Variants in INSC observed in about 807,000 individuals in gnomAD.
The protein encoded by INSC is INSC spindle orientation adaptor protein.
INSC carries 67 observed loss-of-function variants against 58.6 expected under a neutral mutation model. That is an observed-to-expected ratio of 1.14 (90% CI 0.94 to 1.40). The LOEUF is 1.40. Among genes scored for constraint, INSC ranks in the 40% most tolerant of loss-of-function variants. The pLI, the probability that INSC is intolerant of heterozygous loss-of-function variation, is 0.00. For synonymous variants in INSC, 262 were observed against 276.1 expected (o/e 0.95, Z 0.51); for missense variants, 714 against 692.0 (o/e 1.03, Z -0.36).
chr11:15,114,872 G>T (rs1400526309), upstream of INSC: 6 of 904,688 alleles, frequency 6.6e-6, no homozygotes, highest in South Asian at 2.1e-4. Flanking sequence ...CGGGGCGGGG[G>T]GTGGGGCGGG....
intron 1 of INSC, among the ~76,000 whole-genome samples, chr11:15,120,933 TATTAA>T (rs572280748): frequency 1.6e-3 from 248 of 151,014 alleles, no homozygotes; most frequent in African/African-American, 6.0e-3. Flanking sequence ...CCATTTACTT[TATTAA>T]CTTTCATTCT....
intron 7 of INSC, among the ~76,000 whole-genome samples, chr11:15,210,609 A>G (rs1266691468): frequency 1.3e-5 from 2 of 151,716 alleles, no homozygotes; most frequent in East Asian, 1.9e-4. Context: ...AGCTGGTCCC[A>G]AAGAATCTGG....
At chr11:15,220,212 C>G (rs1007690654) in intron 7 of INSC, among the ~76,000 whole-genome samples, 8 of 152,202 alleles carry the variant, frequency 5.3e-5, no homozygotes, top group Non-Finnish European at 1.0e-4. Flanking sequence ...GACGCAGGGA[C>G]AGAAGCCTCA....
chr11:15,179,985 A>G (rs1792586), intron 5 of INSC, among the ~76,000 whole-genome samples: 97,918 of 152,124 alleles, frequency 0.64, 33,016 homozygotes, highest in East Asian at 0.94. Context: ...GGCTGGACGC[A>G]GTGGCTCACG....
At chr11:15,263,387 A>G in the INSC span, among the ~76,000 whole-genome samples, 1 of 152,138 alleles carries the variant, frequency 6.6e-6, no homozygotes, top group African/African-American at 2.4e-5. Flanking sequence ...ATGATTTCTC[A>G]GTAGGATAAA....
chr11:15,177,057 T>C, intron 3 of INSC, 54 bp from the exon 4 acceptor site: 6 of 1,378,400 alleles, frequency 4.4e-6, no homozygotes, highest in Non-Finnish European at 6.2e-6. Context: ...GCACAGCAGT[T>C]GGTCCTCAGT....
chr11:15,240,508 G>T lies in INSC; in HGVS notation c.1455G>T (p.Val485=). Residue 485 remains valine (V), a synonymous_variant, in exon 12 of 13, where the codon GTG becomes GTT. Transcript: ENST00000379556. ...CAGAGAGGAACAGCAGTGACGCCGTGCTTGTGGCCTGCCTGGTGAGTTCTC... is the reference window on the plus strand; with the variant it reads ...CAGAGAGGAACAGCAGTGACGCCGTTCTTGTGGCCTGCCTGGTGAGTTCTC... ...SPSERNSSDA[V]LVACLAALRR... The T allele has an allele frequency of 6.2e-7, 1 of 1,613,618 alleles. No individual in the cohort carries two copies. Among genetic ancestry groups the T allele is most frequent in the Non-Finnish European group, 8.5e-7 (1 of 1,179,860 alleles).
At chr11:15,130,195 TG>T (rs1246775761) in intron 1 of INSC, among the ~76,000 whole-genome samples, 1 of 152,268 alleles carries the variant, frequency 6.6e-6, no homozygotes, top group Non-Finnish European at 1.5e-5. Flanking sequence ...TCATTCAACA[TG>T]TCATCAAGTA....
chr11:15,210,505 TTGTGTGTGTGTGTGTGTGTGTG>T (rs56375160), intron 7 of INSC, among the ~76,000 whole-genome samples: 1 of 135,466 alleles, frequency 7.4e-6, no homozygotes, highest in Non-Finnish European at 1.6e-5. Context: ...ATTTGAGAGT[TTGTGTGTGTGTGTGTGTGTGTG>T]TGTGTGTGTG....
At chr11:15,125,962 C>A (rs560515301) in intron 1 of INSC, among the ~76,000 whole-genome samples, 1 of 151,986 alleles carries the variant, frequency 6.6e-6, no homozygotes, top group East Asian at 1.9e-4. Flanking sequence ...TGAAGAATAA[C>A]GGGAAAGTTG....
rs192722337 is a variant in INSC at position 15,149,136 on chromosome 11, G to A, written c.-39G>A. ...TCCTGCCCTCTATTTTCAGGGTCAC[G>A]ACCGCTGCAAGCAGGCTTTGCTGCA... On this transcript the variant is annotated 5_prime_UTR_variant, in exon 2 of 13. Coordinates refer to ENST00000379556, the MANE Select transcript of INSC (RefSeq NM_001042536.3). 98 of 1,607,368 alleles carry A rather than the reference G, an allele frequency of 6.1e-5. 1 individual carries two copies. In the African/African-American group the frequency reaches 8.0e-4, roughly 13 times the overall value.
At chr11:15,162,228 T>C (rs1849042708) in intron 2 of INSC, among the ~76,000 whole-genome samples, 1 of 152,200 alleles carries the variant, frequency 6.6e-6, no homozygotes. Flanking sequence ...TGATCTGGCC[T>C]AATCCCTTCT....
At chr11:15,267,010 T>A in the INSC span, among the ~76,000 whole-genome samples, 3 of 152,042 alleles carry the variant, frequency 2.0e-5, no homozygotes, top group Non-Finnish European at 4.4e-5. Context: ...TAGTATCATT[T>A]TTCTTCTGAT....
rs1444844631 is a variant in INSC at position 15,221,562 on chromosome 11, C to G, written c.905C>G (p.Ala302Gly). 1 of 1,614,070 alleles carries G rather than the reference C, an allele frequency of 6.2e-7. No homozygotes were observed. Residue 302 changes from alanine to glycine, a missense_variant, in exon 8 of 13, where the codon GCC (alanine) becomes GGC (glycine). By Grantham distance (60) the Ala-to-Gly change is moderately conservative. Coordinates refer to ENST00000379556, the MANE Select transcript of INSC (RefSeq NM_001042536.3). ...ATRAEAAAVV[A>G]QVTSPHLPVT... ...CGGGCTGAGGCTGCGGCTGTGGTGGCCCAGGTCACCTCCCCACACCTGCCC... is the reference window on the plus strand; with the variant it reads ...CGGGCTGAGGCTGCGGCTGTGGTGGGCCAGGTCACCTCCCCACACCTGCCC...
intron 2 of INSC, among the ~76,000 whole-genome samples, chr11:15,174,330 C>G (rs1019756352): frequency 2.0e-5 from 3 of 152,172 alleles, no homozygotes; most frequent in African/African-American, 7.2e-5. Context: ...TCTACTCCCC[C>G]ACCCACCCCT....
At chr11:15,243,676 T>C (rs1245941316) in intron 12 of INSC, among the ~76,000 whole-genome samples, 1 of 152,158 alleles carries the variant, frequency 6.6e-6, no homozygotes, top group East Asian at 1.9e-4. Context: ...TGTTGTGTTT[T>C]GGTTTCTGCT....
Position 15,225,728 on chromosome 11 carries a change from C to A in INSC, c.1070C>A (p.Thr357Lys). 6.2e-7 allele frequency: 1 copy of A among 1,614,132 alleles called. No homozygotes were observed. Among genetic ancestry groups the A allele is most frequent in the Non-Finnish European group, 8.5e-7 (1 of 1,180,016 alleles). The change falls in exon 9 of 13, where the codon ACA becomes AAA. Residue 357 changes from threonine (T) to lysine (K), a missense_variant. By Grantham distance (78) the Thr-to-Lys change is moderately conservative. Coordinates refer to ENST00000379556, the MANE Select transcript of INSC (RefSeq NM_001042536.3). ...AALANITFFDTMACEMLLQLN... is the reference protein window; with the variant it reads ...AALANITFFDKMACEMLLQLN... The stretch of plus-strand genomic sequence containing the variant: ...CTTGCCAACATCACGTTCTTTGACA[C>A]AATGGCCTGCGAGATGCTCCTGCAG...
chr11:15,240,362 G>A, intron 11 of INSC, 85 bp from the exon 12 acceptor site: 1 of 1,139,750 alleles, frequency 8.8e-7, no homozygotes. Context: ...TGGCAGATTG[G>A]GTGTGCAAGG....
At chr11:15,163,223 C>T (rs1849077908) in intron 2 of INSC, among the ~76,000 whole-genome samples, 1 of 152,164 alleles carries the variant, frequency 6.6e-6, no homozygotes, top group Non-Finnish European at 1.5e-5. Flanking sequence ...AAGTATTGCT[C>T]TCAGAATCTG....
Sources: gnomAD v4.1 joint callset for allele counts (sites outside exome capture counted in the v4.1 genomes callset) on GRCh38, gnomAD v4.1.1 for gene constraint, MANE v1.5 for transcripts, NCBI Gene and HGNC (gene_info 2026-07-23, HGNC 2026-07-21) for gene names.